The following POFUT1 variants were observed in gnomAD, a reference collection of about 807,000 sequenced individuals.
The protein encoded by POFUT1 is protein O-fucosyltransferase 1.
A neutral mutation model predicts 42.4 loss-of-function variants in POFUT1; 16 were observed. The ratio of observed to expected loss-of-function variants is 0.38; its 90% CI spans 0.26 to 0.57. POFUT1 has a LOEUF of 0.57. POFUT1 is among the 20% of genes least tolerant of loss of function. The probability of loss-of-function intolerance (pLI) is 0.71; values close to 1 mark genes in which losing one functional copy is unlikely to be tolerated. For missense variants in POFUT1, 470 were observed against 504.6 expected (o/e 0.93, Z 0.66); for synonymous variants, 206 against 205.4 (o/e 1.00, Z -0.03).
chr20:32,227,921 A>G (rs2047422799), intron 4 of POFUT1, among the ~76,000 whole-genome samples: 1 of 152,214 alleles, frequency 6.6e-6, no homozygotes, highest in Admixed American at 6.5e-5. Flanking sequence ...GGCTTGGTCC[A>G]GACACCCCAC....
In POFUT1 at chr20:32,215,440, T is replaced by C. The variant is rs1010068876; in HGVS notation, c.418T>C (p.Cys140Arg). The change falls in exon 3 of 7, where the codon TGC becomes CGC. Residue 140 changes from cysteine (C) to arginine (R), a missense_variant. Coordinates refer to ENST00000375749, the MANE Select transcript of POFUT1 (RefSeq NM_015352.2). ...AAQRSPDKKTCPMKEGNPFGP... is the reference protein window; with the variant it reads ...AAQRSPDKKTRPMKEGNPFGP... ...CCAGCGAAGCCCAGATAAGAAGACG[T>C]GCCCCATGAAGGTGGGTCCTGTGGG... The C allele has an allele frequency of 1.9e-6, 3 of 1,610,070 alleles. No homozygotes were observed. Among genetic ancestry groups the C allele is most frequent in the East Asian group, 2.2e-5 (1 of 44,736 alleles).
rs1388111349 is a variant in POFUT1 at position 32,234,521 on chromosome 20, AT to A, written c.1028del (p.Ile343ThrfsTer20). ...TGAGGTGGCCCAGGTCGACCTGTAC[AT>A]CCTCGGCCAAGCCGACCACTTTATT... ...KPEVAQVDLY[I>X]LGQADHFIGN... On this transcript the variant is annotated frameshift_variant, in exon 7 of 7. Coordinates refer to ENST00000375749, the MANE Select transcript of POFUT1 (RefSeq NM_015352.2). LOFTEE classifies it high-confidence loss of function. The A allele has an allele frequency of 6.2e-7, 1 of 1,613,888 alleles. No homozygotes were observed. The highest frequency in any genetic ancestry group is 8.5e-7 in the Non-Finnish European group (1 of 1,179,822).
intron 5 of POFUT1, among the ~76,000 whole-genome samples, chr20:32,229,177 C>G (rs979833566): frequency 9.2e-5 from 14 of 152,176 alleles, no homozygotes; most frequent in African/African-American, 3.4e-4. Flanking sequence ...CCCATCTATA[C>G]TTTCCTACAA....
Position 32,207,883 on chromosome 20 carries a change from C to G in POFUT1, c.-59C>G. ...GACCGCTGGGAGCGGGGCGGGCGCT[C>G]GCGTCCCTCCTTCCCTCCCCGACTG... is the stretch of plus-strand genomic sequence containing the variant. On this transcript the variant is annotated 5_prime_UTR_variant, in exon 1 of 7. Transcript: ENST00000375749. 9.3e-6 allele frequency: 13 copies of G among 1,396,910 alleles called. No homozygotes were observed. The highest frequency in any genetic ancestry group is 1.2e-5 in the Non-Finnish European group (13 of 1,082,206). The allele number at this position is 1,396,910 out of a possible 1,614,324, so 86.5% of individuals were successfully genotyped here. A position where few individuals can be genotyped will look rare whatever the true frequency, so the allele number is the denominator to read the frequency against.
At chr20:32,209,373 G>A (rs1278390671) in intron 1 of POFUT1, among the ~76,000 whole-genome samples, 1 of 152,096 alleles carries the variant, frequency 6.6e-6, no homozygotes, top group East Asian at 1.9e-4. Context: ...TCATGTATTT[G>A]TTTACATGTT....
At chr20:32,226,413 A>G (rs909259457) in intron 4 of POFUT1, among the ~76,000 whole-genome samples, 2 of 150,334 alleles carry the variant, frequency 1.3e-5, no homozygotes, top group African/African-American at 4.9e-5. Flanking sequence ...CATCTTACTC[A>G]GTTTTCTTGT....
intron 4 of POFUT1, among the ~76,000 whole-genome samples, chr20:32,220,466 G>C (rs1424776476): frequency 6.6e-6 from 1 of 152,196 alleles, no homozygotes; most frequent in Non-Finnish European, 1.5e-5. Context: ...CCAAGGCTGC[G>C]TGCAATGGCT....
intron 4 of POFUT1, among the ~76,000 whole-genome samples, chr20:32,224,957 TTAAC>T (rs1341004643): frequency 6.6e-6 from 1 of 152,188 alleles, no homozygotes; most frequent in African/African-American, 2.4e-5. Context: ...TATGTAACCT[TTAAC>T]TAGGTTACAT....
chr20:32,234,495 C>T lies in POFUT1; in HGVS notation c.1001C>T (p.Pro334Leu), dbSNP rs200283247. Residue 334 changes from proline (P) to leucine (L), a missense_variant, in exon 7 of 7, where the codon CCT (proline) becomes CTT (leucine). By Grantham distance (98) the Pro-to-Leu change is moderately conservative. Transcript: ENST00000375749. ...CAGGTGAAGGTGGTGAGCCTGAAGC[C>T]TGAGGTGGCCCAGGTCGACCTGTAC... is the stretch of plus-strand genomic sequence containing the variant. Reference protein sequence around the residue: ...KGKVKVVSLKPEVAQVDLYIL... With the variant: ...KGKVKVVSLKLEVAQVDLYIL... The T allele has an allele frequency of 8.7e-6, 14 of 1,610,694 alleles. No individual in the cohort carries two copies. The highest frequency in any genetic ancestry group is 1.1e-5 in the Non-Finnish European group (13 of 1,178,256).
At chr20:32,211,401 T>C (rs952052821) in intron 2 of POFUT1, among the ~76,000 whole-genome samples, 1 of 151,970 alleles carries the variant, frequency 6.6e-6, no homozygotes, top group Non-Finnish European at 1.5e-5. Context: ...AGCCTCCTGA[T>C]TAACTGGGAC....
At position 32,231,531 on chromosome 20, in the gene POFUT1, A is replaced by G. The variant is rs1225055444; in HGVS notation, c.978+470A>G. 3.3e-5 allele frequency among the ~76,000 whole-genome samples: 5 copies of G among 152,322 alleles called. No individual in the cohort carries two copies. The East Asian group carries it at 9.7e-4, about 29-fold the overall frequency. On this transcript the variant is annotated intron_variant, in intron 6 of 6. Coordinates refer to ENST00000375749, the MANE Select transcript of POFUT1 (RefSeq NM_015352.2). ...ACTTAGTAGGCAGTCAGTTTGTTGA[A>G]TGAGGATGTAGAGAGTGGGCTCTGG...
chr20:32,215,277 GT>G lies in POFUT1; in HGVS notation c.256del (p.Ser86ProfsTer57). On this transcript the variant is annotated frameshift_variant, in exon 3 of 7. Coordinates refer to ENST00000375749, the MANE Select transcript of POFUT1 (RefSeq NM_015352.2). LOFTEE classifies it high-confidence loss of function. The part of the protein sequence containing the change: ...HKPPFTNLHV[S>X]YQKYFKLEPL... ...TCCTCCTTTTCCTGTAGCTCCATGT[GT>G]CCTACCAGAAGTACTTCAAGCTGGA... 6.2e-7 allele frequency: 1 copy of G among 1,610,594 alleles called. No homozygotes were observed. The highest frequency in any genetic ancestry group is 8.5e-7 in the Non-Finnish European group (1 of 1,177,048).
At chr20:32,209,618 C>G (rs1433189014) in intron 1 of POFUT1, among the ~76,000 whole-genome samples, 1 of 152,182 alleles carries the variant, frequency 6.6e-6, no homozygotes, top group Non-Finnish European at 1.5e-5. Flanking sequence ...AGGAAGTGAG[C>G]AAAGATACTT....
chr20:32,226,102 TTTTTG>T (rs1230987234), intron 4 of POFUT1, among the ~76,000 whole-genome samples: 2 of 119,244 alleles, frequency 1.7e-5, no homozygotes, highest in Non-Finnish European at 3.4e-5. Flanking sequence ...AGGTGTGTGT[TTTTTG>T]TTTTGTTTGT....
intron 4 of POFUT1, among the ~76,000 whole-genome samples, chr20:32,218,696 G>A (rs2047375067): frequency 6.6e-6 from 1 of 151,810 alleles, no homozygotes; most frequent in Admixed American, 6.6e-5. Flanking sequence ...GCCCTCAAAG[G>A]ATGGAGATTT....
At chr20:32,220,162 T>A (rs564434299) in intron 4 of POFUT1, among the ~76,000 whole-genome samples, 1 of 152,372 alleles carries the variant, frequency 6.6e-6, no homozygotes, top group Admixed American at 6.5e-5. Flanking sequence ...CTTTTAAGGC[T>A]GAATAATAGT....
At chr20:32,209,744 C>T (rs1024075320) in intron 1 of POFUT1, among the ~76,000 whole-genome samples, 7 of 152,154 alleles carry the variant, frequency 4.6e-5, no homozygotes, top group Non-Finnish European at 1.0e-4. Context: ...TCGAGTTGCC[C>T]GTCCATGTGC....
intron 4 of POFUT1, chr20:32,223,742 C>T (rs2122586814): frequency 1.0e-6 from 1 of 956,604 alleles, no homozygotes; most frequent in East Asian, 1.2e-4. Flanking sequence ...TTTATCATGC[C>T]TACCATGTGA....
chr20:32,217,064 T>G, intron 4 of POFUT1: 2 of 1,613,914 alleles, frequency 1.2e-6, no homozygotes, highest in Non-Finnish European at 1.7e-6. Context: ...TGGAAGCAGC[T>G]TCTAGAGAAC....
Sources: allele counts gnomAD v4.1 joint callset (sites outside exome capture counted in the v4.1 genomes callset), GRCh38; gene constraint gnomAD v4.1.1; transcripts MANE v1.5; gene names NCBI Gene and HGNC (gene_info 2026-07-23, HGNC 2026-07-21).